TOM1: variants seen among roughly 807,000 people sequenced by gnomAD.
The protein encoded by TOM1 is target of Myb protein 1.
TOM1 carries 38 observed loss-of-function variants against 61.3 expected under a neutral mutation model. The observed-to-expected ratio is 0.62, with a 90% CI of 0.48 to 0.81. The LOEUF is 0.81. Ranked by LOEUF, TOM1 falls within the 40% of genes least tolerant of loss-of-function variation. The pLI is 0.00. For missense variants in TOM1, 591 were observed against 659.6 expected, an observed-to-expected ratio of 0.90 and a Z score of 1.14; for synonymous variants, 270 against 268.8, an observed-to-expected ratio of 1.00 and a Z score of -0.04.
Position 35,347,271 on chromosome 22 carries a change from C to G in TOM1, c.*62C>G. On this transcript the variant is annotated 3_prime_UTR_variant, in exon 15 of 15. Coordinates refer to ENST00000449058, the MANE Select transcript of TOM1 (RefSeq NM_005488.3). ...TGCTCTCACACCCTTAGGCTGGGAC[C>G]TCCCTCCCTCCTCTGGTGTTAAGGC... is the stretch of plus-strand genomic sequence containing the variant. 1.3e-6 allele frequency: 2 copies of G among 1,494,366 alleles called. No individual in the cohort carries two copies. The highest frequency in any genetic ancestry group is 4.6e-5 in the East Asian group (2 of 43,420). The allele number at this position is 1,494,366 out of a possible 1,614,324, so 92.6% of individuals were successfully genotyped here.
intron 1 of TOM1, among the ~76,000 whole-genome samples, chr22:35,306,679 T>C (rs1926358910): frequency 1.3e-5 from 2 of 152,212 alleles, no homozygotes; most frequent in African/African-American, 4.8e-5. Flanking sequence ...ATAAAGCACT[T>C]CCTGCCAGAC....
intron 10 of TOM1, among the ~76,000 whole-genome samples, chr22:35,333,806 C>A (rs1929045255): frequency 6.6e-6 from 1 of 152,166 alleles, no homozygotes; most frequent in South Asian, 2.1e-4. Flanking sequence ...ACCTCCTGAG[C>A]CTCTCTTTCC....
chr22:35,319,191 A>C (rs934850338), intron 2 of TOM1, among the ~76,000 whole-genome samples: 2 of 152,172 alleles, frequency 1.3e-5, no homozygotes, highest in African/African-American at 4.8e-5. Context: ...AGCTTCATGG[A>C]CGTCGCAGCT....
intron 6 of TOM1, among the ~76,000 whole-genome samples, 182 bp downstream of exon 6, chr22:35,324,096 A>C (rs1022774949): frequency 6.6e-6 from 1 of 152,230 alleles, no homozygotes; most frequent in Non-Finnish European, 1.5e-5. Flanking sequence ...TCACTTGCCC[A>C]GAGCACACAG....
chr22:35,342,659 G>A lies in TOM1; in HGVS notation c.1225-3066G>A, dbSNP rs545871430. The stretch of plus-strand genomic sequence containing the variant: ...CCAGAGCTGTTGTGGCTCACCCCCC[G>A]GTGGGTACCACAATACCTGCCTCAT... On this transcript the variant is annotated intron_variant, in intron 12 of 14. Coordinates refer to ENST00000449058, the MANE Select transcript of TOM1 (RefSeq NM_005488.3). Among the ~76,000 whole-genome samples, 19 of 151,674 alleles carry A rather than the reference G, an allele frequency of 1.3e-4. No individual in the cohort carries two copies. In the South Asian group the frequency reaches 3.3e-3, roughly 27 times the overall value.
At chr22:35,343,584 A>ACCTACACACACC (rs566388432) in intron 12 of TOM1, among the ~76,000 whole-genome samples, 3 of 130,348 alleles carry the variant, frequency 2.3e-5, no homozygotes, top group African/African-American at 9.0e-5. Flanking sequence ...ACACTCATAC[A>ACCTACACACACC]CCTACACACA....
At position 35,323,064 on chromosome 22, in the gene TOM1, T is replaced by C; in HGVS notation, c.253T>C (p.Phe85Leu). ...ETCVKNCGHR[F>L]HVLVASQDFV... Reference sequence around the variant, plus strand: ...CTGTGTCAAGAACTGCGGGCACCGCTTCCACGTGCTGGTGGCCAGCCAGGA... The same window carrying C: ...CTGTGTCAAGAACTGCGGGCACCGCCTCCACGTGCTGGTGGCCAGCCAGGA... The change falls in exon 4 of 15, where the codon TTC becomes CTC. Residue 85 changes from phenylalanine (F) to leucine (L), a missense_variant. Phe to Leu is a conservative substitution (Grantham distance 22). Transcript: ENST00000449058. The surrounding 1 kb of genome is among the most constrained non-coding windows in gnomAD (Gnocchi z 4.2). The C allele has an allele frequency of 6.2e-7, 1 of 1,614,166 alleles. No homozygotes were observed. Among genetic ancestry groups the C allele is most frequent in the Non-Finnish European group, 8.5e-7 (1 of 1,180,038 alleles).
At chr22:35,302,877 A>G (rs994781827) in intron 1 of TOM1, among the ~76,000 whole-genome samples, 7 of 152,308 alleles carry the variant, frequency 4.6e-5, no homozygotes, top group Non-Finnish European at 1.0e-4. Flanking sequence ...TTAGATAAAG[A>G]GGCGGAGGAA....
At chr22:35,321,690 C>T (rs1927801325) in intron 2 of TOM1, 7 of 547,464 alleles carry the variant, frequency 1.3e-5, no homozygotes, top group East Asian at 9.1e-5. Flanking sequence ...TGAGCCACCG[C>T]GCCCGGCCAG....
intron 11 of TOM1, among the ~76,000 whole-genome samples, 192 bp downstream of exon 11, chr22:35,334,640 C>T (rs947739201): frequency 1.3e-5 from 2 of 152,184 alleles, no homozygotes; most frequent in African/African-American, 2.4e-5. Context: ...GCGCTCCCCA[C>T]AGGCCATGCT....
rs757823744 is a variant in TOM1 at position 35,338,722 on chromosome 22, C to T, written c.1158C>T (p.Tyr386=). 10 of 1,587,642 alleles carry T rather than the reference C, an allele frequency of 6.3e-6. No homozygotes were observed. The highest frequency in any genetic ancestry group is 2.3e-5 in the South Asian group (2 of 87,126). The part of the protein sequence containing the change: ...SLADQRKEVK[Y]EAPQATDGLA... ...GTGGTCTCTCTTTCAGGGTAAAATA[C>T]GAAGCCCCCCAAGCAACAGACGGCC... The change falls in exon 12 of 15, where the codon TAC becomes TAT. Residue 386 remains tyrosine (Y), a synonymous_variant. Transcript: ENST00000449058.
chr22:35,325,761 T>G lies in TOM1; in HGVS notation c.649-1510T>G, dbSNP rs16995582. On this transcript the variant is annotated intron_variant, in intron 6 of 14. Transcript: ENST00000449058. Reference sequence around the variant, plus strand: ...CTAGCATCTGTGTGGATTAAGACGCTAATTACTTCCAATGCAAGAAGGTGC... The same window carrying G: ...CTAGCATCTGTGTGGATTAAGACGCGAATTACTTCCAATGCAAGAAGGTGC... Among the ~76,000 whole-genome samples the G allele has an allele frequency of 8.8e-3, 1,342 of 152,344 alleles. 17 individuals are homozygous for G. The highest frequency in any genetic ancestry group is 0.03 in the African/African-American group (1,254 of 41,574).
At chr22:35,308,504 G>T (rs185520044) in intron 1 of TOM1, among the ~76,000 whole-genome samples, 7 of 152,062 alleles carry the variant, frequency 4.6e-5, no homozygotes, top group African/African-American at 1.4e-4. Context: ...GGCTGGTCTT[G>T]AACTCCTGAC....
At chr22:35,310,561 A>G (rs1926735277) in intron 1 of TOM1, among the ~76,000 whole-genome samples, 1 of 152,228 alleles carries the variant, frequency 6.6e-6, no homozygotes, top group Non-Finnish European at 1.5e-5. Flanking sequence ...CAAAAAAAAA[A>G]TGTATTCAGA....
rs751292572 is a variant in TOM1, at chr22:35,321,977, A to G, written c.156A>G (p.Arg52=). 1 of 1,613,956 alleles carries G rather than the reference A, an allele frequency of 6.2e-7. No individual in the cohort carries two copies. Among genetic ancestry groups the G allele is most frequent in the Non-Finnish European group, 8.5e-7 (1 of 1,180,014 alleles). The change falls in exon 3 of 15, where the codon CGA becomes CGG. Residue 52 remains arginine, a synonymous_variant. Coordinates refer to ENST00000449058, the MANE Select transcript of TOM1 (RefSeq NM_005488.3). The part of the protein sequence containing the change: ...ETEEGPKDAL[R]AVKKRIVGNK... ...TCCTTAGTCCCAAAGATGCCCTCCG[A>G]GCAGTAAAGAAGAGAATCGTGGGGA...
At position 35,338,740 on chromosome 22, in the gene TOM1, AGACGGCCTGGCTGGAGCCCTG is replaced by A. The variant is rs1929607794; in HGVS notation, c.1181_1201del (p.Gly394_Asp400del). ...TAAAATACGAAGCCCCCCAAGCAAC[AGACGGCCTGGCTGGAGCCCTG>A]GACGCCCGGCAGCAGAGCACTGGCG... On this transcript the variant is annotated inframe_deletion, in exon 12 of 15. Transcript: ENST00000449058. 1.3e-6 allele frequency: 2 copies of A among 1,599,014 alleles called. No individual in the cohort carries two copies. Among genetic ancestry groups the A allele is most frequent in the Non-Finnish European group, 1.7e-6 (2 of 1,173,654 alleles).
chr22:35,341,860 T>G (rs1418636148), intron 12 of TOM1, among the ~76,000 whole-genome samples: 1 of 152,154 alleles, frequency 6.6e-6, no homozygotes, highest in East Asian at 1.9e-4. Flanking sequence ...TTCTGCCAAA[T>G]CAGGGTATGA....
At chr22:35,338,080 C>T (rs1929534818) in intron 11 of TOM1, among the ~76,000 whole-genome samples, 1 of 152,206 alleles carries the variant, frequency 6.6e-6, no homozygotes, top group South Asian at 2.1e-4. Context: ...TGGGGTCAGC[C>T]TCTGCCGCTC....
chr22:35,312,009 C>T (rs914197861), intron 1 of TOM1, among the ~76,000 whole-genome samples: 4 of 152,094 alleles, frequency 2.6e-5, no homozygotes, highest in African/African-American at 7.2e-5. Flanking sequence ...AATCCCAGCA[C>T]TTTGGGAGGC....
Sources: allele counts gnomAD v4.1 joint callset (sites outside exome capture counted in the v4.1 genomes callset), GRCh38; gene constraint gnomAD v4.1.1; non-coding constraint Gnocchi (gnomAD v3.1); transcripts MANE v1.5; gene names NCBI Gene and HGNC (gene_info 2026-07-23, HGNC 2026-07-21).